The following LAMC1 variants were observed in gnomAD, a reference collection of about 807,000 sequenced individuals.
LAMC1 encodes the protein laminin subunit gamma 1.
In LAMC1, 38 loss-of-function variants were observed where a neutral mutation model predicts 173.6. That is an observed-to-expected ratio of 0.22 (90% CI 0.17 to 0.29). The LOEUF (loss-of-function observed/expected upper bound fraction) is 0.29, where lower values mean the gene tolerates loss of function less well. Ranked by LOEUF, LAMC1 falls within the 10% of genes least tolerant of loss-of-function variation. The pLI is 1.00. For synonymous variants in LAMC1, 746 were observed against 749.1 expected (o/e 1.00, Z 0.07); for missense variants, 1,824 against 2,051.8 (o/e 0.89, Z 2.14).
chr1:183,118,091 G>A lies in LAMC1; in HGVS notation c.1935G>A (p.Gln645=), dbSNP rs762625595. The change falls in exon 11 of 28, where the codon CAG becomes CAA. Residue 645 remains glutamine, a synonymous_variant. Coordinates refer to ENST00000258341, the MANE Select transcript of LAMC1 (RefSeq NM_002293.4). The part of the protein sequence containing the change: ...WRPALTPFEF[Q]KLLNNLTSIK... ...CTGCTCTTACCCCTTTTGAATTTCA[G>A]AAGCTCCTAAACAACTTGACCTCTA... The A allele has an allele frequency of 6.2e-7, 1 of 1,613,546 alleles. No homozygotes were observed. The highest frequency in any genetic ancestry group is 1.7e-5 in the Admixed American group (1 of 59,982).
rs764917170 is a variant in LAMC1 at position 183,121,904 on chromosome 1, C to T, written c.2172C>T (p.Cys724=). ...GACCATACAGTCCATGTGTGCTTTGCGCCTGCAATGGACACAGCGAGACCT... is the reference window on the plus strand; with the variant it reads ...GACCATACAGTCCATGTGTGCTTTGTGCCTGCAATGGACACAGCGAGACCT... The part of the protein sequence containing the change: ...NLGPYSPCVL[C]ACNGHSETCD... The change falls in exon 12 of 28, where the codon TGC becomes TGT. Residue 724 remains cysteine (C), a synonymous_variant. Transcript: ENST00000258341. 17 of 1,614,056 alleles carry T rather than the reference C, an allele frequency of 1.1e-5. No individual in the cohort carries two copies. The highest frequency in any genetic ancestry group is 3.3e-4 in the Middle Eastern group (2 of 6,082).
intron 1 of LAMC1, among the ~76,000 whole-genome samples, chr1:183,028,828 A>G (rs1393198448): frequency 2.0e-5 from 3 of 152,084 alleles, no homozygotes; most frequent in East Asian, 3.9e-4. Flanking sequence ...TCAAGGCTTT[A>G]TTTGCAATTT....
chr1:183,031,796 A>C (rs1653856231), intron 1 of LAMC1, among the ~76,000 whole-genome samples: 1 of 152,156 alleles, frequency 6.6e-6, no homozygotes, highest in African/African-American at 2.4e-5. Context: ...GAAAGTGTAA[A>C]ATTTCAAGAT....
intron 1 of LAMC1, among the ~76,000 whole-genome samples, chr1:183,051,598 A>G (rs543517838): frequency 6.6e-6 from 1 of 152,326 alleles, no homozygotes; most frequent in Non-Finnish European, 1.5e-5. Context: ...TAACTGGAAC[A>G]CTTACTGAGT....
At chr1:183,138,721 T>C (rs2102114377) in intron 26 of LAMC1, 1 of 152,150 alleles carries the variant, frequency 6.6e-6, no homozygotes, top group East Asian at 1.9e-4. Flanking sequence ...GTTTGGATTG[T>C]CCTGATTTTC....
intron 4 of LAMC1, 129 bp from the exon 5 acceptor site, chr1:183,114,402 G>T: frequency 1.1e-6 from 1 of 924,010 alleles, no homozygotes; most frequent in Non-Finnish European, 1.8e-6. Flanking sequence ...AGTGCATCTG[G>T]TAATCATTCT....
chr1:183,084,518 G>A (rs866126344), intron 1 of LAMC1, among the ~76,000 whole-genome samples: 1 of 152,146 alleles, frequency 6.6e-6, no homozygotes, highest in South Asian at 2.1e-4. Context: ...TCTGAAACTT[G>A]TATTATCTGA....
chr1:183,104,131 A>G (rs2027075), intron 2 of LAMC1, among the ~76,000 whole-genome samples: 79,276 of 152,006 alleles, frequency 0.52, 21,286 homozygotes, highest in South Asian at 0.65. Flanking sequence ...TTTTGATTAG[A>G]TTTGTCTGGC....
At chr1:183,101,390 CAG>C (rs1655830475) in intron 1 of LAMC1, among the ~76,000 whole-genome samples, 1 of 151,154 alleles carries the variant, frequency 6.6e-6, no homozygotes, top group Non-Finnish European at 1.5e-5. Flanking sequence ...ATTCTTTTAA[CAG>C]AAAGTGTGTA....
chr1:183,026,608 A>G (rs900012788), intron 1 of LAMC1, among the ~76,000 whole-genome samples: 2 of 152,136 alleles, frequency 1.3e-5, no homozygotes, highest in African/African-American at 4.8e-5. Flanking sequence ...GCATCTATTA[A>G]ATCTCCCTCC....
chr1:183,102,940 A>C (rs567280793), intron 1 of LAMC1, among the ~76,000 whole-genome samples: 1 of 152,362 alleles, frequency 6.6e-6, no homozygotes, highest in South Asian at 2.1e-4. Flanking sequence ...AGACCCATTT[A>C]GAAAGTTAGC....
Position 183,124,672 on chromosome 1 carries a change from C to G in LAMC1, c.2443C>G (p.Pro815Ala), listed in dbSNP as rs1265525294. The change falls in exon 14 of 28, where the codon CCC becomes GCC. Residue 815 changes from proline to alanine, a missense_variant. By Grantham distance (27) the Pro-to-Ala change is conservative. Coordinates refer to ENST00000258341, the MANE Select transcript of LAMC1 (RefSeq NM_002293.4). ...ELCDDGYFGD[P>A]LGRNGPVRLC... ...CTGTGATGATGGCTACTTTGGAGACCCCCTGGGTAGAAACGGCCCTGTGAG... is the reference window on the plus strand; with the variant it reads ...CTGTGATGATGGCTACTTTGGAGACGCCCTGGGTAGAAACGGCCCTGTGAG... 1 of 1,614,016 alleles carries G rather than the reference C, an allele frequency of 6.2e-7. No homozygotes were observed. Among genetic ancestry groups the G allele is most frequent in the Non-Finnish European group, 8.5e-7 (1 of 1,180,016 alleles).
intron 1 of LAMC1, among the ~76,000 whole-genome samples, chr1:183,045,007 C>A (rs1181460608): frequency 1.3e-5 from 2 of 151,452 alleles, no homozygotes; most frequent in East Asian, 3.9e-4. Context: ...CTTGTACATT[C>A]TTAATACTGA....
intron 20 of LAMC1, 53 bp downstream of exon 20, chr1:183,131,431 GTGT>G: frequency 1.2e-6 from 1 of 825,912 alleles, no homozygotes; most frequent in Non-Finnish European, 2.0e-6. Flanking sequence ...GTTATGGGGT[GTGT>G]GTGTGTGTGT....
At chr1:183,102,274 G>T (rs1270253090) in intron 1 of LAMC1, among the ~76,000 whole-genome samples, 2 of 152,198 alleles carry the variant, frequency 1.3e-5, no homozygotes, top group Non-Finnish European at 1.5e-5. Context: ...GTAGGAGAGG[G>T]TTGGGATGGT....
chr1:183,069,590 G>C (rs962498114), intron 1 of LAMC1, among the ~76,000 whole-genome samples: 1 of 152,252 alleles, frequency 6.6e-6, no homozygotes, highest in Non-Finnish European at 1.5e-5. Context: ...TGGGTGTCCA[G>C]TGTGTCAGGG....
At chr1:183,038,598 G>C (rs1277426736) in intron 1 of LAMC1, among the ~76,000 whole-genome samples, 2 of 152,282 alleles carry the variant, frequency 1.3e-5, no homozygotes, top group East Asian at 3.9e-4. Flanking sequence ...TTAGAAAGAG[G>C]GTAGTGACAG....
intron 1 of LAMC1, among the ~76,000 whole-genome samples, chr1:183,078,744 C>T (rs1194034507): frequency 2.0e-5 from 3 of 152,038 alleles, no homozygotes; most frequent in African/African-American, 7.2e-5. Context: ...GGCACGGTGG[C>T]TCACCTCTGT....
chr1:183,079,577 G>A (rs1289421059), intron 1 of LAMC1, among the ~76,000 whole-genome samples: 2 of 152,112 alleles, frequency 1.3e-5, no homozygotes, highest in Non-Finnish European at 2.9e-5. Flanking sequence ...ACAGGTGTGA[G>A]CCACTGCACG....
Sources: gnomAD v4.1 joint callset for allele counts (sites outside exome capture counted in the v4.1 genomes callset) on GRCh38, gnomAD v4.1.1 for gene constraint, MANE v1.5 for transcripts, NCBI Gene and HGNC (gene_info 2026-07-23, HGNC 2026-07-21) for gene names.